Variants in DLGAP2 observed in about 807,000 individuals in gnomAD.
The protein encoded by DLGAP2 is disks large-associated protein 2.
A neutral mutation model predicts 100.3 loss-of-function variants in DLGAP2; 26 were observed. The observed-to-expected ratio is 0.26, with a 90% CI of 0.19 to 0.36. DLGAP2 has a LOEUF of 0.36. DLGAP2 is among the 10% of genes least tolerant of loss of function. DLGAP2 has a pLI of 1.00. For missense variants in DLGAP2, 1,858 were observed against 1,453.2 expected (o/e 1.28, Z -4.53); for synonymous variants, 886 against 630.1 (o/e 1.41, Z -6.08).
At chr8:1,384,270 C>A (rs1162539396) in intron 3 of DLGAP2, among the ~76,000 whole-genome samples, 1 of 152,258 alleles carries the variant, frequency 6.6e-6, no homozygotes, top group Non-Finnish European at 1.5e-5. Context: ...ACTGCACAGT[C>A]GCTGCACTCT....
At chr8:1,294,492 A>G (rs1430750105) in intron 3 of DLGAP2, among the ~76,000 whole-genome samples, 1 of 152,092 alleles carries the variant, frequency 6.6e-6, no homozygotes, top group African/African-American at 2.4e-5. Context: ...TCTAAGTGTG[A>G]TTGGTGATGG....
At chr8:791,517 C>T (rs1411372541) in intron 1 of DLGAP2, among the ~76,000 whole-genome samples, 4 of 152,196 alleles carry the variant, frequency 2.6e-5, no homozygotes, top group Non-Finnish European at 5.9e-5. Flanking sequence ...TCTCTGGTGT[C>T]TCAATAGGTG....
At chr8:1,379,589 T>C (rs10096219) in intron 3 of DLGAP2, 15,977 of 152,222 alleles carry the variant, frequency 0.1, 1,316 homozygotes, top group East Asian at 0.26. Context: ...CTGTCATCAT[T>C]TTTAACCAGG....
intron 2 of DLGAP2, among the ~76,000 whole-genome samples, chr8:1,094,065 C>T (rs909913110): frequency 6.6e-6 from 1 of 151,166 alleles, no homozygotes; most frequent in South Asian, 2.1e-4. Flanking sequence ...GGAGGGAGGG[C>T]AGCTGCGAGG....
At chr8:1,486,456 T>C (rs1799238796) in intron 3 of DLGAP2, among the ~76,000 whole-genome samples, 1 of 152,172 alleles carries the variant, frequency 6.6e-6, no homozygotes, top group African/African-American at 2.4e-5. Context: ...GCGAAGCCTG[T>C]CATGTTCCAC....
chr8:1,593,244 G>A (rs899423063), intron 6 of DLGAP2, among the ~76,000 whole-genome samples: 5 of 152,052 alleles, frequency 3.3e-5, no homozygotes, highest in African/African-American at 1.2e-4. Context: ...CATGAGGTCA[G>A]GAGATTGAGA....
intron 1 of DLGAP2, among the ~76,000 whole-genome samples, chr8:859,295 A>G (rs1237797346): frequency 6.6e-6 from 1 of 152,076 alleles, no homozygotes; most frequent in Non-Finnish European, 1.5e-5. Flanking sequence ...TGCTTTTAAT[A>G]TAGGCAGGGT....
intron 2 of DLGAP2, among the ~76,000 whole-genome samples, chr8:1,164,471 G>C (rs1301636562): frequency 6.6e-6 from 1 of 150,834 alleles, no homozygotes; most frequent in Non-Finnish European, 1.5e-5. Flanking sequence ...GCTCTCACTG[G>C]CTGACGTCCT....
intron 2 of DLGAP2, among the ~76,000 whole-genome samples, chr8:1,239,943 T>G (rs1433974085): frequency 7.2e-5 from 10 of 138,138 alleles, no homozygotes; most frequent in African/African-American, 2.5e-4. Flanking sequence ...TTCTCTCACA[T>G]GTTGCCGTGT....
rs558958522 is a variant in DLGAP2, at chr8:1,517,023, G to T, written c.172+15592G>T. ...GCCCCAGGGTGCAGAGGTGAGGAAG[G>T]CTTTCTCACCTCCGCGGTCACCAGG... On this transcript the variant is annotated intron_variant, in intron 4 of 14. Transcript: ENST00000637795. 4.6e-5 allele frequency among the ~76,000 whole-genome samples: 7 copies of T among 152,244 alleles called. No homozygotes were observed. In the South Asian group the frequency reaches 1.5e-3, roughly 32 times the overall value.
intron 2 of DLGAP2, among the ~76,000 whole-genome samples, chr8:1,207,303 C>T (rs1798017464): frequency 6.6e-6 from 1 of 152,202 alleles, no homozygotes; most frequent in African/African-American, 2.4e-5. Context: ...TAGCTTAGCT[C>T]CCACTTGTAA....
chr8:1,252,998 C>T (rs1799082772), intron 2 of DLGAP2, among the ~76,000 whole-genome samples: 1 of 152,218 alleles, frequency 6.6e-6, no homozygotes, highest in Admixed American at 6.5e-5. Flanking sequence ...CTAGGCACCC[C>T]CACAGGCCTC....
chr8:1,029,849 G>A (rs1289684187), intron 2 of DLGAP2, among the ~76,000 whole-genome samples: 2 of 152,180 alleles, frequency 1.3e-5, no homozygotes, highest in African/African-American at 2.4e-5. Flanking sequence ...TACTGTTCGA[G>A]CTGGGGAAGG....
intron 6 of DLGAP2, among the ~76,000 whole-genome samples, chr8:1,617,848 A>G (rs1420448254): frequency 6.6e-6 from 1 of 152,252 alleles, no homozygotes. Context: ...AAAGAAAGCA[A>G]AAAGAAATCA....
rs1287023952 is a variant in DLGAP2, at chr8:1,087,898, A to G, written c.74-170953A>G. 3.9e-5 allele frequency among the ~76,000 whole-genome samples: 6 copies of G among 152,266 alleles called. No individual in the cohort carries two copies. The East Asian group carries it at 1.2e-3, about 29-fold the overall frequency. ...CTGCCTCCTCCCTGTCTCCACATCC[A>G]TGTCACCAGGTCCCCACCCTGGCAC... On this transcript the variant is annotated intron_variant, in intron 2 of 14. Transcript: ENST00000637795.
At chr8:1,689,231 G>A (rs1799190130) in intron 12 of DLGAP2, among the ~76,000 whole-genome samples, 2 of 152,114 alleles carry the variant, frequency 1.3e-5, no homozygotes, top group Admixed American at 6.6e-5. Flanking sequence ...TCTCCTAAAC[G>A]TAGAAAGAAA....
intron 3 of DLGAP2, among the ~76,000 whole-genome samples, chr8:1,487,882 C>T (rs906624101): frequency 3.9e-5 from 6 of 152,152 alleles, no homozygotes; most frequent in African/African-American, 9.7e-5. Flanking sequence ...GGGAGGACAG[C>T]GGTCACCACA....
chr8:1,253,563 A>G (rs1799099997), intron 2 of DLGAP2, among the ~76,000 whole-genome samples: 4 of 152,216 alleles, frequency 2.6e-5, no homozygotes, highest in Admixed American at 6.5e-5. Context: ...GGAGATTAAA[A>G]TAAGGCACCT....
intron 1 of DLGAP2, among the ~76,000 whole-genome samples, chr8:849,054 G>A (rs1797129645): frequency 6.6e-6 from 1 of 151,906 alleles, no homozygotes; most frequent in East Asian, 1.9e-4. Context: ...AGTATAGGAT[G>A]TGCCGTGTCT....
Sources: allele counts gnomAD v4.1 joint callset (sites outside exome capture counted in the v4.1 genomes callset), GRCh38; gene constraint gnomAD v4.1.1; transcripts MANE v1.5; gene names NCBI Gene and HGNC (gene_info 2026-07-23, HGNC 2026-07-21).